The following GABRA1 variants were observed in gnomAD, a reference collection of about 807,000 sequenced individuals.
The protein encoded by GABRA1 is gamma-aminobutyric acid receptor subunit alpha-1.
Under a neutral mutation model 48.9 loss-of-function variants are expected in GABRA1, and 9 were observed. The ratio of observed to expected loss-of-function variants is 0.18; its 90% CI spans 0.11 to 0.32. The LOEUF (loss-of-function observed/expected upper bound fraction) is 0.32, where lower values mean the gene tolerates loss of function less well. Among genes scored for constraint, GABRA1 ranks in the 10% least tolerant of loss-of-function variants. The probability of loss-of-function intolerance (pLI) is 1.00; values close to 1 mark genes in which losing one functional copy is unlikely to be tolerated. For missense variants in GABRA1, 285 were observed against 553.8 expected, an observed-to-expected ratio of 0.51 and a Z score of 4.87; for synonymous variants, 210 against 198.7, an observed-to-expected ratio of 1.06 and a Z score of -0.48.
At chr5:161,880,381 C>A (rs369342976) in intron 6 of GABRA1, among the ~76,000 whole-genome samples, 1 of 152,054 alleles carries the variant, frequency 6.6e-6, no homozygotes, top group South Asian at 2.1e-4. Flanking sequence ...ACGATAGGGT[C>A]CTTCTCAAAC....
intron 5 of GABRA1, among the ~76,000 whole-genome samples, chr5:161,875,302 G>T (rs1754297770): frequency 6.6e-6 from 1 of 152,094 alleles, no homozygotes; most frequent in African/African-American, 2.4e-5. Context: ...GGTCGTTTTG[G>T]AAAATATTAA....
At chr5:161,894,463 A>G (rs951885528) in intron 8 of GABRA1, among the ~76,000 whole-genome samples, 1 of 152,188 alleles carries the variant, frequency 6.6e-6, no homozygotes, top group African/African-American at 2.4e-5. Flanking sequence ...AATTTCAACA[A>G]TGGTATAGAC....
chr5:161,850,921 C>T, intron 2 of GABRA1, 37 bp downstream of exon 2: 2 of 1,538,294 alleles, frequency 1.3e-6, no homozygotes, highest in Non-Finnish European at 1.8e-6. Context: ...ATGAAAATTT[C>T]TGTAACTTTT....
intron 7 of GABRA1, among the ~76,000 whole-genome samples, chr5:161,885,813 T>C (rs569965465): frequency 1.3e-5 from 2 of 152,262 alleles, no homozygotes; most frequent in East Asian, 3.9e-4. Flanking sequence ...ACGGGAAAGA[T>C]GATCCAGTTA....
In GABRA1 at chr5:161,851,163, A is replaced by G. The variant is rs114596032; in HGVS notation, c.74+279A>G. Among the ~76,000 whole-genome samples the G allele has an allele frequency of 2.6e-3, 403 of 152,342 alleles. 3 individuals carry two copies. The highest frequency in any genetic ancestry group is 9.4e-3 in the African/African-American group (391 of 41,586). On this transcript the variant is annotated intron_variant, in intron 2 of 9. Coordinates refer to ENST00000393943, the MANE Select transcript of GABRA1 (RefSeq NM_001127644.2). The stretch of plus-strand genomic sequence containing the variant: ...CTCACTGTTCAGTTGGAACTGAACA[A>G]AACGTGCGGTTTCCTAATTCATAGA...
chr5:161,885,159 T>C (rs1218094282), intron 7 of GABRA1, among the ~76,000 whole-genome samples: 1 of 152,174 alleles, frequency 6.6e-6, no homozygotes, highest in Non-Finnish European at 1.5e-5. Flanking sequence ...AATTCTCAAA[T>C]GGAAGCTCAG....
chr5:161,892,169 G>A (rs1755119571), intron 8 of GABRA1, among the ~76,000 whole-genome samples: 1 of 152,098 alleles, frequency 6.6e-6, no homozygotes, highest in South Asian at 2.1e-4. Context: ...ACTTCATTTG[G>A]AAATCACCAC....
rs182707692 is a variant in GABRA1 at position 161,866,642 on chromosome 5, T to C, written c.255+854T>C. Among the ~76,000 whole-genome samples, 393 of 152,186 alleles carry C rather than the reference T, an allele frequency of 2.6e-3. 1 individual carries two copies. Among genetic ancestry groups the C allele is most frequent in the Non-Finnish European group, 3.5e-3 (235 of 67,994 alleles). On this transcript the variant is annotated intron_variant, in intron 4 of 9. Coordinates refer to ENST00000393943, the MANE Select transcript of GABRA1 (RefSeq NM_001127644.2). ...CTTACAGAAACTATGAATGGCAGAG[T>C]AAAAGCCCTGACAAGTTCTGAGGTA...
intron 9 of GABRA1, 101 bp downstream of exon 9, chr5:161,895,969 TA>T (rs1755348811): frequency 1.0e-6 from 1 of 970,030 alleles, no homozygotes; most frequent in Non-Finnish European, 1.7e-6. Flanking sequence ...GTATGCAGAA[TA>T]ATAAGGATTC....
intron 2 of GABRA1, among the ~76,000 whole-genome samples, chr5:161,853,515 C>A (rs1040659778): frequency 6.6e-6 from 1 of 151,784 alleles, no homozygotes; most frequent in Non-Finnish European, 1.5e-5. Flanking sequence ...GTTCTTTTTA[C>A]ATCTGAGACT....
chr5:161,895,612 A>C, intron 8 of GABRA1, 54 bp from the exon 9 acceptor site: 2 of 1,480,292 alleles, frequency 1.4e-6, no homozygotes, highest in Non-Finnish European at 1.9e-6. Context: ...TCCCATCATG[A>C]TGAAATTTCA....
intron 6 of GABRA1, 86 bp from the exon 7 acceptor site, chr5:161,882,472 A>G: frequency 7.8e-7 from 1 of 1,283,870 alleles, no homozygotes. Flanking sequence ...ATGATATAGA[A>G]AATATGAAGC....
At chr5:161,896,607 CAA>C (rs1360526503) in intron 9 of GABRA1, among the ~76,000 whole-genome samples, 4 of 152,078 alleles carry the variant, frequency 2.6e-5, no homozygotes, top group East Asian at 1.9e-4. Flanking sequence ...AAGACAGAGA[CAA>C]AGAGATTTTA....
At chr5:161,856,775 T>C (rs1757662601) in intron 3 of GABRA1, among the ~76,000 whole-genome samples, 1 of 151,252 alleles carries the variant, frequency 6.6e-6, no homozygotes, top group Admixed American at 6.6e-5. Flanking sequence ...TTAAAGTACA[T>C]TTTGAGAAGG....
rs557546790 is a variant in GABRA1 at position 161,898,253 on chromosome 5, C to T, written c.*831C>T. The T allele has an allele frequency of 1.0e-4, 16 of 152,634 alleles. No homozygotes were observed. Among genetic ancestry groups the T allele is most frequent in the African/African-American group, 3.4e-4 (14 of 41,536 alleles). 9.5% of individuals were successfully genotyped at this position (152,634 alleles called of 1,614,324 possible). A position where few individuals can be genotyped will look rare whatever the true frequency, so the allele number is the denominator to read the frequency against. On this transcript the variant is annotated 3_prime_UTR_variant, in exon 10 of 10. Coordinates refer to ENST00000393943, the MANE Select transcript of GABRA1 (RefSeq NM_001127644.2). ...CCTTTTTCACCCTATTTTCAGATAG[C>T]ACATGAGCCCAACACTCACTTAATT...
intron 3 of GABRA1, among the ~76,000 whole-genome samples, chr5:161,858,211 A>C (rs979630726): frequency 6.6e-6 from 1 of 151,458 alleles, no homozygotes; most frequent in Non-Finnish European, 1.5e-5. Flanking sequence ...CATTTTCCCA[A>C]GTTTTCTCCT....
chr5:161,850,677 C>T (rs1007758337), intron 1 of GABRA1, 119 bp from the exon 2 acceptor site: 1 of 792,428 alleles, frequency 1.3e-6, no homozygotes, highest in Admixed American at 1.8e-5. Context: ...GGTGTCATAT[C>T]CCAGTGAGGT....
chr5:161,884,844 C>T (rs1203117875), intron 7 of GABRA1, among the ~76,000 whole-genome samples: 1 of 152,156 alleles, frequency 6.6e-6, no homozygotes, highest in African/African-American at 2.4e-5. Flanking sequence ...CTATAACCCT[C>T]TTATGCCTGA....
intron 6 of GABRA1, chr5:161,882,325 T>C (rs1754651906): frequency 3.6e-6 from 2 of 558,436 alleles, no homozygotes; most frequent in Non-Finnish European, 6.4e-6. Flanking sequence ...AGCACAGTAT[T>C]TTGTCCTTTG....
Sources: allele counts gnomAD v4.1 joint callset (sites outside exome capture counted in the v4.1 genomes callset), GRCh38; gene constraint gnomAD v4.1.1; transcripts MANE v1.5; gene names NCBI Gene and HGNC (gene_info 2026-07-23, HGNC 2026-07-21).